COL19A1: variants seen among roughly 807,000 people sequenced by gnomAD.
COL19A1 encodes collagen alpha-1(XIX) chain.
In COL19A1, 159 loss-of-function variants were observed where a neutral mutation model predicts 190.2. That is an observed-to-expected ratio of 0.84 (90% CI 0.73 to 0.95). The LOEUF (loss-of-function observed/expected upper bound fraction) is 0.95. Among genes scored for constraint, COL19A1 ranks in the 40% least tolerant of loss-of-function variants. The pLI is 0.00. For synonymous variants in COL19A1, 509 were observed against 458.9 expected, an observed-to-expected ratio of 1.11 and a Z score of -1.39; for missense variants, 1,418 against 1,431.9, an observed-to-expected ratio of 0.99 and a Z score of 0.16.
chr6:69,927,368 A>G (rs1772467461), intron 4 of COL19A1, among the ~76,000 whole-genome samples: 1 of 152,208 alleles, frequency 6.6e-6, no homozygotes, highest in South Asian at 2.1e-4. Context: ...CAATAGCACA[A>G]AGCAAGAAAA....
chr6:70,023,557 T>A (rs751289075), intron 11 of COL19A1, 70 bp from the exon 12 acceptor site: 7 of 1,310,214 alleles, frequency 5.3e-6, no homozygotes, highest in Non-Finnish European at 7.5e-6. Context: ...CCAACCAACA[T>A]AACTTTATTT....
At chr6:69,868,160 C>T (rs1767592566) in intron 1 of COL19A1, among the ~76,000 whole-genome samples, 1 of 151,410 alleles carries the variant, frequency 6.6e-6, no homozygotes, top group Non-Finnish European at 1.5e-5. Flanking sequence ...CCCCCTCTGC[C>T]CGAATCAAAC....
intron 14 of COL19A1, among the ~76,000 whole-genome samples, chr6:70,043,037 T>C (rs1779709767): frequency 6.6e-6 from 1 of 152,126 alleles, no homozygotes; most frequent in Admixed American, 6.6e-5. Context: ...ATCAACCTCT[T>C]CCAAATTCCT....
intron 16 of COL19A1, among the ~76,000 whole-genome samples, chr6:70,102,527 T>C (rs558283176): frequency 2.0e-5 from 3 of 152,292 alleles, no homozygotes; most frequent in Non-Finnish European, 4.4e-5. Flanking sequence ...GATAGATGAA[T>C]CCTGTTCTGA....
chr6:70,199,847 T>G, intron 49 of COL19A1, 111 bp downstream of exon 49: 1 of 953,758 alleles, frequency 1.0e-6, no homozygotes, highest in Non-Finnish European at 1.5e-6. Flanking sequence ...ATTTATACAT[T>G]ACATATATAA....
intron 14 of COL19A1, among the ~76,000 whole-genome samples, chr6:70,053,850 A>G (rs1265012371): frequency 2.6e-5 from 4 of 152,192 alleles, no homozygotes; most frequent in African/African-American, 9.6e-5. Flanking sequence ...TGTATTACCA[A>G]AATTAGCCAT....
At chr6:69,887,306 G>T (rs78184809) in intron 2 of COL19A1, among the ~76,000 whole-genome samples, 1 of 152,102 alleles carries the variant, frequency 6.6e-6, no homozygotes, top group South Asian at 2.1e-4. Context: ...ATAGTCACTC[G>T]TAGTCATTAT....
At chr6:70,054,765 T>C (rs2150135636) in intron 14 of COL19A1, among the ~76,000 whole-genome samples, 1 of 152,248 alleles carries the variant, frequency 6.6e-6, no homozygotes, top group South Asian at 2.1e-4. Context: ...TGTACATGAC[T>C]ACTGTGACAA....
chr6:69,874,322 G>A (rs1768007256), intron 1 of COL19A1, among the ~76,000 whole-genome samples: 1 of 152,192 alleles, frequency 6.6e-6, no homozygotes, highest in Admixed American at 6.5e-5. Context: ...TGAACAATTT[G>A]TTTTTAAAAC....
chr6:69,993,586 A>G (rs767443890), intron 11 of COL19A1, among the ~76,000 whole-genome samples: 2 of 151,996 alleles, frequency 1.3e-5, no homozygotes, highest in Non-Finnish European at 2.9e-5. Flanking sequence ...TACCTGGCCC[A>G]GGGCTTTTAC....
At chr6:69,963,484 C>CA (rs1372877126) in intron 11 of COL19A1, among the ~76,000 whole-genome samples, 1 of 152,128 alleles carries the variant, frequency 6.6e-6, no homozygotes, top group African/African-American at 2.4e-5. Flanking sequence ...AGGCTGGAGA[C>CA]AGGAGCTGAG....
intron 17 of COL19A1, among the ~76,000 whole-genome samples, chr6:70,129,220 G>C (rs1238181521): frequency 6.6e-6 from 1 of 152,194 alleles, no homozygotes; most frequent in Non-Finnish European, 1.5e-5. Context: ...GAAATGGGAG[G>C]AAAGAGAGTA....
rs773070044 is a variant in COL19A1 at position 70,156,282 on chromosome 6, A to G, written c.2185-34A>G. ...GATCCCTGTGGGTTACATGTAGTGC[A>G]TCCTCTCAGTTCTGTTCTTCCTCTG... is the stretch of plus-strand genomic sequence containing the variant. On this transcript the variant is annotated intron_variant, in intron 32 of 50. Coordinates refer to ENST00000620364, the MANE Select transcript of COL19A1 (RefSeq NM_001858.6). 3.1e-6 allele frequency: 5 copies of G among 1,613,126 alleles called. No individual in the cohort carries two copies. In the Admixed American group the frequency reaches 8.3e-5, roughly 27 times the overall value.
intron 4 of COL19A1, among the ~76,000 whole-genome samples, chr6:69,920,272 G>A (rs1771606362): frequency 6.6e-6 from 1 of 152,186 alleles, no homozygotes; most frequent in Admixed American, 6.5e-5. Flanking sequence ...ACTATAGTTA[G>A]TCATTTTTAA....
chr6:70,150,160 G>C, intron 30 of COL19A1, 115 bp downstream of exon 30: 1 of 1,073,152 alleles, frequency 9.3e-7, no homozygotes, highest in Non-Finnish European at 1.4e-6. Flanking sequence ...ACTGCTTGGT[G>C]ATTTTGTTTA....
intron 18 of COL19A1, among the ~76,000 whole-genome samples, chr6:70,134,968 G>T (rs920289436): frequency 1.3e-5 from 2 of 151,882 alleles, no homozygotes; most frequent in South Asian, 2.1e-4. Context: ...CGAAAGCCCC[G>T]TGTTGTTTTA....
chr6:69,901,973 G>C (rs1274178919), intron 4 of COL19A1, among the ~76,000 whole-genome samples: 2 of 152,126 alleles, frequency 1.3e-5, no homozygotes, highest in South Asian at 4.1e-4. Context: ...TAAATATTAG[G>C]CAAGACTTGG....
intron 11 of COL19A1, among the ~76,000 whole-genome samples, chr6:69,993,896 A>G (rs1476030306): frequency 3.4e-4 from 51 of 150,062 alleles, no homozygotes; most frequent in Admixed American, 3.4e-3. Context: ...TCTTTCAAAA[A>G]GCCAGCTTTT....
chr6:69,895,866 C>G (rs1400766331), intron 2 of COL19A1, among the ~76,000 whole-genome samples: 2 of 151,994 alleles, frequency 1.3e-5, no homozygotes, highest in Non-Finnish European at 2.9e-5. Flanking sequence ...TTATCTTGCT[C>G]CTTCTTGTTG....
Sources: allele counts gnomAD v4.1 joint callset (sites outside exome capture counted in the v4.1 genomes callset), GRCh38; gene constraint gnomAD v4.1.1; transcripts MANE v1.5; gene names NCBI Gene and HGNC (gene_info 2026-07-23, HGNC 2026-07-21).